The following HS6ST3 variants were observed in gnomAD, a reference collection of about 807,000 sequenced individuals.
The protein encoded by HS6ST3 is heparan sulfate 6-O-sulfotransferase 3.
Under a neutral mutation model 36.7 loss-of-function variants are expected in HS6ST3, and 12 were observed. The ratio of observed to expected loss-of-function variants is 0.33; its 90% CI spans 0.21 to 0.53. The LOEUF (loss-of-function observed/expected upper bound fraction) is 0.53, where lower values mean the gene tolerates loss of function less well. Among genes scored for constraint, HS6ST3 ranks in the 20% least tolerant of loss-of-function variants. The probability of loss-of-function intolerance (pLI) is 0.95; values close to 1 mark genes in which losing one functional copy is unlikely to be tolerated. For synonymous variants in HS6ST3, 240 were observed against 257.5 expected, an observed-to-expected ratio of 0.93 and a Z score of 0.65; for missense variants, 584 against 640.9, an observed-to-expected ratio of 0.91 and a Z score of 0.96.
At chr13:96,637,816 G>A (rs1050424214) in intron 1 of HS6ST3, among the ~76,000 whole-genome samples, 1 of 151,924 alleles carries the variant, frequency 6.6e-6, no homozygotes, top group African/African-American at 2.4e-5. Context: ...TTTATTTAAA[G>A]CCCAGGTTAA....
intron 1 of HS6ST3, among the ~76,000 whole-genome samples, chr13:96,190,579 T>C (rs1474438057): frequency 1.3e-5 from 2 of 152,194 alleles, no homozygotes; most frequent in Non-Finnish European, 2.9e-5. Flanking sequence ...TGCTAGGTGC[T>C]GCTCAAGGTG....
chr13:96,545,500 A>AGT (rs1180177514), intron 1 of HS6ST3, among the ~76,000 whole-genome samples: 1 of 152,190 alleles, frequency 6.6e-6, no homozygotes, highest in African/African-American at 2.4e-5. Context: ...GCAGAAGAAG[A>AGT]GTGGGGTAAC....
chr13:96,220,150 A>G (rs187158866), intron 1 of HS6ST3, among the ~76,000 whole-genome samples: 1 of 152,336 alleles, frequency 6.6e-6, no homozygotes, highest in Admixed American at 6.5e-5. Context: ...CCTTTATAAG[A>G]TGGTGAACAC....
intron 1 of HS6ST3, among the ~76,000 whole-genome samples, chr13:96,448,000 T>C (rs2139483986): frequency 6.6e-6 from 1 of 152,342 alleles, no homozygotes; most frequent in Non-Finnish European, 1.5e-5. Flanking sequence ...ATCATTATTA[T>C]AGTCTGAGGA....
intron 1 of HS6ST3, among the ~76,000 whole-genome samples, chr13:96,705,316 AACTGCATATGG>A (rs1352747643): frequency 2.0e-5 from 3 of 152,178 alleles, no homozygotes; most frequent in Non-Finnish European, 4.4e-5. Context: ...GGACTTTTAA[AACTGCATATGG>A]ACAAAAATAA....
At chr13:96,625,231 G>A (rs2056508065) in intron 1 of HS6ST3, among the ~76,000 whole-genome samples, 3 of 152,184 alleles carry the variant, frequency 2.0e-5, no homozygotes. Flanking sequence ...ACACTCGTGG[G>A]AATGTCTTAT....
At chr13:96,492,889 T>C (rs1301656509) in intron 1 of HS6ST3, among the ~76,000 whole-genome samples, 1 of 152,188 alleles carries the variant, frequency 6.6e-6, no homozygotes, top group African/African-American at 2.4e-5. Context: ...CTAATGCTGT[T>C]GCTTGCTTGC....
At chr13:96,258,013 C>T (rs201838358) in intron 1 of HS6ST3, among the ~76,000 whole-genome samples, 1 of 137,108 alleles carries the variant, frequency 7.3e-6, no homozygotes, top group Non-Finnish European at 1.6e-5. Flanking sequence ...ATTGTCATCA[C>T]TGTCATCAAT....
chr13:96,294,023 A>G (rs2054842751), intron 1 of HS6ST3, among the ~76,000 whole-genome samples: 1 of 152,078 alleles, frequency 6.6e-6, no homozygotes, highest in African/African-American at 2.4e-5. Context: ...CGATAATAGG[A>G]CCATTAATGT....
chr13:96,597,173 C>T (rs1186784906), intron 1 of HS6ST3, among the ~76,000 whole-genome samples: 2 of 152,008 alleles, frequency 1.3e-5, no homozygotes, highest in African/African-American at 2.4e-5. Context: ...CAACAACATA[C>T]ACTGGAGCCT....
intron 1 of HS6ST3, among the ~76,000 whole-genome samples, chr13:96,519,457 A>T (rs1328438530): frequency 6.6e-6 from 1 of 152,192 alleles, no homozygotes; most frequent in East Asian, 1.9e-4. Context: ...ACCACTGGGG[A>T]AGAGAGGAAC....
chr13:96,281,620 G>A (rs1295968379), intron 1 of HS6ST3, among the ~76,000 whole-genome samples: 2 of 152,168 alleles, frequency 1.3e-5, no homozygotes, highest in Non-Finnish European at 2.9e-5. Flanking sequence ...GCATTCAGAA[G>A]TATTTACTAG....
At chr13:96,673,244 T>C (rs1191475910) in intron 1 of HS6ST3, among the ~76,000 whole-genome samples, 2 of 152,158 alleles carry the variant, frequency 1.3e-5, no homozygotes, top group Non-Finnish European at 2.9e-5. Flanking sequence ...GCTCTTAGGG[T>C]CCGCCTGATA....
chr13:96,096,194 G>A (rs1056102153), intron 1 of HS6ST3, among the ~76,000 whole-genome samples: 2 of 152,142 alleles, frequency 1.3e-5, no homozygotes, highest in African/African-American at 4.8e-5. Flanking sequence ...CCTTCAAATA[G>A]TAAAAGGAAT....
intron 1 of HS6ST3, among the ~76,000 whole-genome samples, chr13:96,487,508 G>C (rs1390593548): frequency 6.6e-6 from 1 of 152,078 alleles, no homozygotes; most frequent in African/African-American, 2.4e-5. Flanking sequence ...TTTCCACAGG[G>C]ACTAATATTT....
chr13:96,545,261 A>G (rs562243094), intron 1 of HS6ST3, among the ~76,000 whole-genome samples: 2 of 152,320 alleles, frequency 1.3e-5, no homozygotes, highest in South Asian at 4.1e-4. Flanking sequence ...TGCTCATGTT[A>G]TCCCCATAAA....
At chr13:96,800,614 T>C (rs1002650845) in intron 1 of HS6ST3, among the ~76,000 whole-genome samples, 1 of 152,048 alleles carries the variant, frequency 6.6e-6, no homozygotes, top group Non-Finnish European at 1.5e-5. Flanking sequence ...TGGAAACCAA[T>C]AAATACAAAT....
At chr13:96,499,638 C>T (rs1286933386) in intron 1 of HS6ST3, among the ~76,000 whole-genome samples, 1 of 152,134 alleles carries the variant, frequency 6.6e-6, no homozygotes, top group Non-Finnish European at 1.5e-5. Context: ...GGCAGGAACC[C>T]TGTGGCTTTC....
At chr13:96,448,768 C>T (rs768397961) in intron 1 of HS6ST3, among the ~76,000 whole-genome samples, 6 of 152,162 alleles carry the variant, frequency 3.9e-5, no homozygotes, top group Non-Finnish European at 8.8e-5. Flanking sequence ...TGTATTCCCA[C>T]ATCTCTTCTG....
Sources: gnomAD v4.1 joint callset for allele counts (sites outside exome capture counted in the v4.1 genomes callset) on GRCh38, gnomAD v4.1.1 for gene constraint, MANE v1.5 for transcripts, NCBI Gene and HGNC (gene_info 2026-07-23, HGNC 2026-07-21) for gene names.